CCT6B: variants seen among roughly 807,000 people sequenced by gnomAD.
The protein encoded by CCT6B is chaperonin containing TCP1 subunit 6B.
Under a neutral mutation model 61.5 loss-of-function variants are expected in CCT6B, and 49 were observed. The observed-to-expected ratio is 0.80, with a 90% confidence interval of 0.63 to 1.01. The LOEUF (loss-of-function observed/expected upper bound fraction) is 1.01, where lower values mean the gene tolerates loss of function less well. CCT6B is among the 50% of genes least tolerant of loss of function. The pLI, the probability that CCT6B is intolerant of heterozygous loss-of-function variation, is 0.00. For missense variants in CCT6B, 666 were observed against 634.7 expected (o/e 1.05, Z -0.53); for synonymous variants, 228 against 214.5 (o/e 1.06, Z -0.55).
At chr17:34,946,190 C>T (rs369600406) in intron 5 of CCT6B, among the ~76,000 whole-genome samples, 4 of 152,050 alleles carry the variant, frequency 2.6e-5, no homozygotes, top group African/African-American at 4.8e-5. Flanking sequence ...TAAATTAGTC[C>T]CTAGGGAGGC....
intron 1 of CCT6B, among the ~76,000 whole-genome samples, chr17:34,960,192 G>C (rs528288185): frequency 2.4e-4 from 37 of 152,240 alleles, no homozygotes; most frequent in African/African-American, 8.7e-4. Flanking sequence ...ACGTGATTCA[G>C]TCAGTTCCCT....
chr17:34,955,559 A>G (rs1254059767), intron 3 of CCT6B, among the ~76,000 whole-genome samples: 1 of 152,206 alleles, frequency 6.6e-6, no homozygotes, highest in Non-Finnish European at 1.5e-5. Flanking sequence ...AATTCTTTGT[A>G]GTATGTTTGC....
intron 10 of CCT6B, among the ~76,000 whole-genome samples, chr17:34,933,985 C>G (rs1179857259): frequency 6.6e-6 from 1 of 151,796 alleles, no homozygotes; most frequent in East Asian, 1.9e-4. Context: ...AACAATTAGC[C>G]AGGTTTGGTG....
intron 12 of CCT6B, among the ~76,000 whole-genome samples, chr17:34,929,883 T>C (rs927902486): frequency 2.0e-4 from 30 of 152,168 alleles, no homozygotes; most frequent in Admixed American, 1.9e-3. Flanking sequence ...CCAACTTTTT[T>C]AATTAAAAGA....
chr17:34,940,568 A>T lies in CCT6B; in HGVS notation c.939T>A (p.Leu313=). Residue 313 remains leucine, a synonymous_variant, in exon 8 of 14, where the codon CTT becomes CTA. Transcript: ENST00000314144. The part of the protein sequence containing the change: ...DSLAKHGIVA[L]RRAKRRNMER... ...CCATATTTCTTCTTTTTGCTCTGCGAAGAGCTACTATTCCATGTTTTGCAA... is the reference window on the plus strand; with the variant it reads ...CCATATTTCTTCTTTTTGCTCTGCGTAGAGCTACTATTCCATGTTTTGCAA... 6 of 1,584,710 alleles carry T rather than the reference A, an allele frequency of 3.8e-6. No individual in the cohort carries two copies. Among genetic ancestry groups the T allele is most frequent in the African/African-American group, 2.7e-5 (2 of 73,834 alleles).
chr17:34,928,842 C>T (rs893671384), intron 13 of CCT6B, 120 bp downstream of exon 13: 1 of 566,806 alleles, frequency 1.8e-6, no homozygotes, highest in South Asian at 2.9e-5. Flanking sequence ...GAATACCACA[C>T]CTTTCATACA....
chr17:34,937,844 C>T (rs2090111507), intron 10 of CCT6B, among the ~76,000 whole-genome samples: 1 of 151,758 alleles, frequency 6.6e-6, no homozygotes, highest in African/African-American at 2.4e-5. Context: ...AACTCTCAAA[C>T]TCAACAATAG....
At chr17:34,957,414 G>T (rs2090361159) in intron 3 of CCT6B, among the ~76,000 whole-genome samples, 2 of 152,116 alleles carry the variant, frequency 1.3e-5, no homozygotes, top group African/African-American at 4.8e-5. Flanking sequence ...AAAGTGCTGG[G>T]ATTACAGGTG....
intron 3 of CCT6B, 46 bp downstream of exon 3, chr17:34,958,514 A>G (rs746911909): frequency 2.4e-6 from 3 of 1,266,080 alleles, no homozygotes; most frequent in Non-Finnish European, 2.1e-6. Context: ...AGTTAAAAAA[A>G]TAATTTGCCA....
intron 8 of CCT6B, 79 bp downstream of exon 8, chr17:34,940,460 A>G: frequency 1.3e-6 from 1 of 777,450 alleles, no homozygotes; most frequent in Non-Finnish European, 2.1e-6. Flanking sequence ...ATTTACACAT[A>G]AGCTAAAAGG....
intron 13 of CCT6B, among the ~76,000 whole-genome samples, 167 bp downstream of exon 13, chr17:34,928,795 A>G (rs1300015591): frequency 6.6e-6 from 1 of 152,200 alleles, no homozygotes; most frequent in African/African-American, 2.4e-5. Context: ...AAAAGGGACT[A>G]TGGACTATAA....
chr17:34,948,429 A>G (rs2090249801), intron 5 of CCT6B, among the ~76,000 whole-genome samples: 3 of 152,116 alleles, frequency 2.0e-5, no homozygotes, highest in Admixed American at 2.0e-4. Flanking sequence ...TTAAAAGAAA[A>G]CTGGGCCGGG....
Position 34,928,093 on chromosome 17 carries a change from G to A in CCT6B, c.1548C>T (p.Leu516=), listed in dbSNP as rs762312629. Residue 516 remains leucine (L), a synonymous_variant, in exon 14 of 14, where the codon CTC becomes CTT. Coordinates refer to ENST00000314144, the MANE Select transcript of CCT6B (RefSeq NM_006584.4). ...CAGCTCGCATAATTTCATCAACCAG[G>A]AGAATGTTGGTGGCAATCACTGTGC... ...HSCTVIATNI[L]LVDEIMRAGM... 1 of 1,611,990 alleles carries A rather than the reference G, an allele frequency of 6.2e-7. No individual in the cohort carries two copies. Among genetic ancestry groups the A allele is most frequent in the Non-Finnish European group, 8.5e-7 (1 of 1,178,988 alleles).
chr17:34,928,258 C>A, intron 13 of CCT6B, 141 bp from the exon 14 acceptor site: 1 of 475,302 alleles, frequency 2.1e-6, no homozygotes, highest in Non-Finnish European at 3.8e-6. Context: ...ATTATAAATA[C>A]AAATACAAAT....
At position 34,932,414 on chromosome 17, in the gene CCT6B, G is replaced by T; in HGVS notation, c.1300C>A (p.Arg434Ser). The change falls in exon 11 of 14, where the codon CGT (arginine) becomes AGT (serine). Residue 434 changes from arginine (R) to serine (S), a missense_variant. Arg to Ser is a moderately radical substitution (Grantham distance 110). Transcript: ENST00000314144. ...TYKNSIKGRARLGVQAFADAL... is the reference protein window; with the variant it reads ...TYKNSIKGRASLGVQAFADAL... ...TCAGCAAAAGCTTGGACTCCAAGACGAGCTCTTCCTTTTATACTGTTCTTA... is the reference window on the plus strand; with the variant it reads ...TCAGCAAAAGCTTGGACTCCAAGACTAGCTCTTCCTTTTATACTGTTCTTA... The T allele has an allele frequency of 4.3e-6, 7 of 1,611,954 alleles. No homozygotes were observed. Among genetic ancestry groups the T allele is most frequent in the Non-Finnish European group, 5.9e-6 (7 of 1,179,144 alleles).
rs545910557 is a variant in CCT6B, at chr17:34,933,244, A to T, written c.1214-744T>A. The stretch of plus-strand genomic sequence containing the variant: ...TTTTTTGTACTGCAGCAGAACTCAA[A>T]CTGCTATCTAAGAAAAAATTTAAGT... On this transcript the variant is annotated intron_variant, in intron 10 of 13. Coordinates refer to ENST00000314144, the MANE Select transcript of CCT6B (RefSeq NM_006584.4). Among the ~76,000 whole-genome samples, 41 of 152,306 alleles carry T rather than the reference A, an allele frequency of 2.7e-4. No homozygotes were observed. The South Asian group carries it at 3.1e-3, about 12-fold the overall frequency.
chr17:34,947,445 C>T (rs577117376), intron 5 of CCT6B, among the ~76,000 whole-genome samples: 6 of 152,282 alleles, frequency 3.9e-5, no homozygotes, highest in African/African-American at 1.2e-4. Context: ...GGACTCATGG[C>T]TAATTTCTGT....
At chr17:34,931,606 G>A (rs779240398) in intron 11 of CCT6B, among the ~76,000 whole-genome samples, 1 of 152,166 alleles carries the variant, frequency 6.6e-6, no homozygotes, top group African/African-American at 2.4e-5. Context: ...CCAATGTAAT[G>A]TGTACTGGGG....
In CCT6B at chr17:34,942,864, T is replaced by C; in HGVS notation, c.657A>G (p.Pro219=). The change falls in exon 6 of 14, where the codon CCA becomes CCG. Residue 219 remains proline, a synonymous_variant. Coordinates refer to ENST00000314144, the MANE Select transcript of CCT6B (RefSeq NM_006584.4). ...GLVLDHGARH[P]DMKKRVEDAF... is the part of the protein sequence containing the mutation. The stretch of plus-strand genomic sequence containing the variant: ...CATCTTCTACTCGCTTCTTCATATC[T>C]GGATGACGGGCACCATGATCCAAAA... 1.2e-6 allele frequency: 2 copies of C among 1,611,126 alleles called. No homozygotes were observed. Among genetic ancestry groups the C allele is most frequent in the South Asian group, 1.1e-5 (1 of 90,458 alleles).
Sources: allele counts gnomAD v4.1 joint callset (sites outside exome capture counted in the v4.1 genomes callset), GRCh38; gene constraint gnomAD v4.1.1; transcripts MANE v1.5; gene names NCBI Gene and HGNC (gene_info 2026-07-23, HGNC 2026-07-21).